Variants in PCDHGA4 observed in about 807,000 individuals in gnomAD.
The protein encoded by PCDHGA4 is protocadherin gamma-A4.
In PCDHGA4, 38 loss-of-function variants were observed where a neutral mutation model predicts 54.6. That is an observed-to-expected ratio of 0.70 (90% CI 0.54 to 0.91). PCDHGA4 has a LOEUF of 0.91. PCDHGA4 is among the 40% of genes least tolerant of loss of function. PCDHGA4 has a pLI of 0.00. For synonymous variants in PCDHGA4, 511 were observed against 512.9 expected, an observed-to-expected ratio of 1.00 and a Z score of 0.05; for missense variants, 1,298 against 1,220.9, an observed-to-expected ratio of 1.06 and a Z score of -0.94.
chr5:141,476,236 AAG>A lies in PCDHGA4; in HGVS notation c.2515-18565_2515-18564del. ...TCATTCACTATGAGATCCCGGAGGA[AAG>A]AGAGAAGGGTTTCGCTGTGGGCAAC... is the stretch of plus-strand genomic sequence containing the variant. On this transcript the variant is annotated intron_variant, in intron 1 of 3. Transcript: ENST00000571252. The surrounding 1 kb of genome is among the most constrained non-coding windows in gnomAD (Gnocchi z 7.6). 2.5e-6 allele frequency: 4 copies of A among 1,613,980 alleles called. No individual in the cohort carries two copies. Among genetic ancestry groups the A allele is most frequent in the Non-Finnish European group, 3.4e-6 (4 of 1,180,004 alleles).
In PCDHGA4 at chr5:141,395,138, C is replaced by T. The variant is rs147992300; in HGVS notation, c.2514+37517C>T. 1,238 of 1,614,204 alleles carry T rather than the reference C, an allele frequency of 7.7e-4. 19 individuals are homozygous for T. In the East Asian group the frequency reaches 0.018, roughly 24 times the overall value. On this transcript the variant is annotated intron_variant, in intron 1 of 3. Transcript: ENST00000571252. ...ACCTGATCTTTCCCCAGCCCAACTA[C>T]GCAGACATGCTCATCAGTCAGGAGG...
At chr5:141,492,834 G>T (rs544218873) in intron 1 of PCDHGA4, among the ~76,000 whole-genome samples, 36 of 152,332 alleles carry the variant, frequency 2.4e-4, no homozygotes, top group Non-Finnish European at 4.1e-4. Flanking sequence ...CCTTCCTCCC[G>T]CAGGAAGTGA....
chr5:141,400,003 C>T, intron 1 of PCDHGA4: 5 of 1,612,396 alleles, frequency 3.1e-6, no homozygotes, highest in Non-Finnish European at 4.2e-6. Flanking sequence ...GCGCACAGCG[C>T]GTGCCTTGGG....
chr5:141,413,485 G>C lies in PCDHGA4; in HGVS notation c.2514+55864G>C, dbSNP rs184712199. ...CCGGGAGGAGCTCTGCGCTCAGAGC[G>C]CGCGGTGCGTGGTGAGTTTTAATAT... is the stretch of plus-strand genomic sequence containing the variant. On this transcript the variant is annotated intron_variant, in intron 1 of 3. Coordinates refer to ENST00000571252, the MANE Select transcript of PCDHGA4 (RefSeq NM_018917.4). 439 of 1,614,058 alleles carry C rather than the reference G, an allele frequency of 2.7e-4. 1 individual carries two copies. In the African/African-American group the frequency reaches 4.6e-3, roughly 17 times the overall value.
Position 141,388,695 on chromosome 5 carries a change from G to A in PCDHGA4, c.2514+31074G>A, listed in dbSNP as rs2091456760. On this transcript the variant is annotated intron_variant, in intron 1 of 3. Coordinates refer to ENST00000571252, the MANE Select transcript of PCDHGA4 (RefSeq NM_018917.4). ...ACAGGTGACTGCCACGGACCAGGAT[G>A]AGGGTGTCAATGCCGAGATTACTTT... The A allele has an allele frequency of 3.7e-6, 6 of 1,614,018 alleles. No homozygotes were observed. Among genetic ancestry groups the A allele is most frequent in the Middle Eastern group, 1.6e-4 (1 of 6,062 alleles).
At chr5:141,509,692 C>T (rs755446680) in intron 3 of PCDHGA4, among the ~76,000 whole-genome samples, 8 of 152,126 alleles carry the variant, frequency 5.3e-5, no homozygotes, top group Non-Finnish European at 1.0e-4. Context: ...TACAGTGGGA[C>T]GTTGGACTGG....
chr5:141,360,622 G>A (rs1761678618), intron 1 of PCDHGA4: 3 of 1,613,988 alleles, frequency 1.9e-6, no homozygotes, highest in Non-Finnish European at 2.5e-6. Context: ...TTCAGATGTT[G>A]GTCCTAACTC....
At chr5:141,502,300 TTCCTC>T (rs139569110) in intron 2 of PCDHGA4, among the ~76,000 whole-genome samples, 4,853 of 152,256 alleles carry the variant, frequency 0.032, 250 homozygotes, top group African/African-American at 0.11. Flanking sequence ...TGTCACGTCT[TTCCTC>T]TCCTTTAATC....
intron 1 of PCDHGA4, chr5:141,400,133 C>G: frequency 3.7e-6 from 6 of 1,614,066 alleles, no homozygotes; most frequent in Non-Finnish European, 5.1e-6. Flanking sequence ...GAGGTGCTGC[C>G]GGATATCACT....
chr5:141,476,738 C>T lies in PCDHGA4; in HGVS notation c.2515-18069C>T. 6.2e-7 allele frequency: 1 copy of T among 1,614,076 alleles called. No individual in the cohort carries two copies. The highest frequency in any genetic ancestry group is 2.2e-5 in the East Asian group (1 of 44,880). On this transcript the variant is annotated intron_variant, in intron 1 of 3. Transcript: ENST00000571252. This position sits in a 1 kb window ranked among gnomAD's most constrained non-coding sequence, Gnocchi z 7.6. Reference sequence around the variant, plus strand: ...GCGCGCCCTGGACCGAGAACGGGAGCCTAGTCTCCAGTTAGTGCTGACGGC... The same window carrying T: ...GCGCGCCCTGGACCGAGAACGGGAGTCTAGTCTCCAGTTAGTGCTGACGGC...
rs753872678 is a variant in PCDHGA4, at chr5:141,431,407, C to G, written c.2515-63400C>G. 4 of 1,613,716 alleles carry G rather than the reference C, an allele frequency of 2.5e-6. No individual in the cohort carries two copies. Among genetic ancestry groups the G allele is most frequent in the Non-Finnish European group, 3.4e-6 (4 of 1,180,048 alleles). The stretch of plus-strand genomic sequence containing the variant: ...ACCACCTGGTCCTTACGGCCTCCGA[C>G]GGGGGCGACCCGGTGCGCACAGGCA... On this transcript the variant is annotated intron_variant, in intron 1 of 3. Coordinates refer to ENST00000571252, the MANE Select transcript of PCDHGA4 (RefSeq NM_018917.4). This position sits in a 1 kb window ranked among gnomAD's most constrained non-coding sequence, Gnocchi z 4.8.
intron 1 of PCDHGA4, among the ~76,000 whole-genome samples, chr5:141,380,353 G>T (rs954913370): frequency 6.6e-6 from 1 of 151,944 alleles, no homozygotes; most frequent in Non-Finnish European, 1.5e-5. Flanking sequence ...TTTGTTGTTT[G>T]TTTTTTAGAA....
At chr5:141,468,154 G>A (rs1374898668) in intron 1 of PCDHGA4, among the ~76,000 whole-genome samples, 2 of 151,838 alleles carry the variant, frequency 1.3e-5, no homozygotes, top group African/African-American at 2.4e-5. Flanking sequence ...GTGAAACCCT[G>A]TCTCTGCTAA....
At chr5:141,384,642 C>T (rs373564078) in intron 1 of PCDHGA4, 5 of 1,614,214 alleles carry the variant, frequency 3.1e-6, no homozygotes, top group South Asian at 2.2e-5. Flanking sequence ...CACCCCGCTC[C>T]GCAGAGCCCG....
intron 1 of PCDHGA4, chr5:141,399,859 G>T: frequency 1.2e-6 from 2 of 1,612,844 alleles, no homozygotes; most frequent in Non-Finnish European, 1.7e-6. Context: ...GCCGCGCGCT[G>T]CAGAGCCCGG....
At chr5:141,362,509 A>T (rs1561527206) in intron 1 of PCDHGA4, 16 of 1,614,038 alleles carry the variant, frequency 9.9e-6, no homozygotes, top group Non-Finnish European at 1.4e-5. Flanking sequence ...ACAAAATACA[A>T]ATCATGGAGC....
chr5:141,385,264 G>T (rs879420336), intron 1 of PCDHGA4: 21 of 1,613,712 alleles, frequency 1.3e-5, no homozygotes, highest in Non-Finnish European at 1.6e-5. Flanking sequence ...TGAGAAAAAT[G>T]ATTCTTTGCT....
chr5:141,431,560 C>T lies in PCDHGA4; in HGVS notation c.2515-63247C>T, dbSNP rs751276470. On this transcript the variant is annotated intron_variant, in intron 1 of 3. Coordinates refer to ENST00000571252, the MANE Select transcript of PCDHGA4 (RefSeq NM_018917.4). This position sits in a 1 kb window ranked among gnomAD's most constrained non-coding sequence, Gnocchi z 4.8. ...CGCAGCTGCTTGTAGTCAACGCTAC[C>T]GACCCTGACGAAGGAGTCAATGCGG... The T allele has an allele frequency of 6.2e-7, 1 of 1,614,104 alleles. No individual in the cohort carries two copies. The highest frequency in any genetic ancestry group is 1.7e-5 in the Admixed American group (1 of 60,036).
At chr5:141,479,476 G>A (rs1481785254) in intron 1 of PCDHGA4, 1 of 152,250 alleles carries the variant, frequency 6.6e-6, no homozygotes, top group African/African-American at 2.4e-5. Context: ...CCTCTTGGGA[G>A]GGCAGGACCA....
Sources: allele counts gnomAD v4.1 joint callset (sites outside exome capture counted in the v4.1 genomes callset), GRCh38; gene constraint gnomAD v4.1.1; non-coding constraint Gnocchi (gnomAD v3.1); transcripts MANE v1.5; gene names NCBI Gene and HGNC (gene_info 2026-07-23, HGNC 2026-07-21).